Variants in NALF1 observed in about 807,000 individuals in gnomAD.
The protein encoded by NALF1 is NALCN channel auxiliary factor 1, also known as family with sequence similarity 155 member A.
A neutral mutation model predicts 48.4 loss-of-function variants in NALF1; 3 were observed. That is an observed-to-expected ratio of 0.06 (90% CI 0.03 to 0.16). The LOEUF is 0.16. Ranked by LOEUF, NALF1 falls within the 10% of genes least tolerant of loss-of-function variation. The pLI, the probability that NALF1 is intolerant of heterozygous loss-of-function variation, is 1.00. For synonymous variants in NALF1, 262 were observed against 245.7 expected (o/e 1.07, Z -0.62); for missense variants, 526 against 571.5 (o/e 0.92, Z 0.81).
At chr13:107,232,774 C>G (rs1182892722) in intron 1 of NALF1, among the ~76,000 whole-genome samples, 1 of 152,114 alleles carries the variant, frequency 6.6e-6, no homozygotes. Flanking sequence ...ATTAATAAAG[C>G]AAAAGATAAA....
intron 1 of NALF1, among the ~76,000 whole-genome samples, chr13:107,234,580 A>G (rs1196857187): frequency 1.3e-5 from 2 of 152,246 alleles, no homozygotes; most frequent in East Asian, 1.9e-4. Flanking sequence ...GGGTCATGTG[A>G]AAAAGAAACA....
At chr13:107,194,383 T>A (rs1879349572) in intron 2 of NALF1, among the ~76,000 whole-genome samples, 1 of 152,072 alleles carries the variant, frequency 6.6e-6, no homozygotes. Flanking sequence ...GGCATGTAGA[T>A]CAGCAAACAG....
chr13:107,228,744 T>G (rs1364998207), intron 1 of NALF1, among the ~76,000 whole-genome samples: 1 of 152,116 alleles, frequency 6.6e-6, no homozygotes, highest in African/African-American at 2.4e-5. Flanking sequence ...CTCAGCCTCA[T>G]GAGTAGCTGG....
intron 1 of NALF1, among the ~76,000 whole-genome samples, chr13:107,420,924 G>T (rs1018246912): frequency 6.6e-6 from 1 of 151,910 alleles, no homozygotes; most frequent in Non-Finnish European, 1.5e-5. Flanking sequence ...GTATTTCTAG[G>T]CATGCTATCT....
intron 2 of NALF1, among the ~76,000 whole-genome samples, chr13:107,202,672 A>G (rs1421123078): frequency 2.0e-5 from 3 of 152,150 alleles, no homozygotes; most frequent in African/African-American, 7.2e-5. Context: ...TGTAACATTC[A>G]TTTTTAATGT....
intron 1 of NALF1, among the ~76,000 whole-genome samples, chr13:107,731,263 C>A (rs1876300692): frequency 6.6e-6 from 1 of 152,072 alleles, no homozygotes; most frequent in African/African-American, 2.4e-5. Context: ...AAGGAAATTT[C>A]ACTTCAAGTT....
At chr13:107,762,124 G>A (rs1877280811) in intron 1 of NALF1, among the ~76,000 whole-genome samples, 1 of 151,980 alleles carries the variant, frequency 6.6e-6, no homozygotes, top group African/African-American at 2.4e-5. Context: ...AGTTATTCAG[G>A]CAATTAATAC....
rs568079421 is a variant in NALF1 at position 107,494,538 on chromosome 13, G to A, written c.916-283783C>T. ...TTTGTCCCCAGGCCCTGATGTTCAC[G>A]ACCATGATTTGTGGTCCAAACTGAT... is the stretch of plus-strand genomic sequence containing the variant. On this transcript the variant is annotated intron_variant, in intron 1 of 2. Coordinates refer to ENST00000375915, the MANE Select transcript of NALF1 (RefSeq NM_001080396.3). Among the ~76,000 whole-genome samples the A allele has an allele frequency of 8.5e-5, 13 of 152,270 alleles. 1 individual carries two copies. The highest frequency in any genetic ancestry group is 4.1e-4 in the South Asian group (2 of 4,826).
intron 1 of NALF1, among the ~76,000 whole-genome samples, chr13:107,698,590 A>T (rs1881748170): frequency 6.6e-6 from 1 of 152,084 alleles, no homozygotes; most frequent in Admixed American, 6.6e-5. Flanking sequence ...CTCTTTACTG[A>T]TTACTTGTTT....
intron 1 of NALF1, among the ~76,000 whole-genome samples, chr13:107,759,566 A>G (rs915026466): frequency 6.6e-6 from 1 of 151,966 alleles, no homozygotes. Context: ...CCCACATTCC[A>G]CCTAGTCCAA....
chr13:107,295,956 A>G (rs1566477479), intron 1 of NALF1, among the ~76,000 whole-genome samples: 1 of 152,212 alleles, frequency 6.6e-6, no homozygotes, highest in Non-Finnish European at 1.5e-5. Flanking sequence ...GAATTCCTTT[A>G]AAATGCAAGA....
chr13:107,702,320 T>C (rs1881842568), intron 1 of NALF1, among the ~76,000 whole-genome samples: 1 of 152,170 alleles, frequency 6.6e-6, no homozygotes, highest in South Asian at 2.1e-4. Context: ...AAAATAGCAA[T>C]TTCTATTACA....
At chr13:107,581,434 T>C (rs1379682476) in intron 1 of NALF1, among the ~76,000 whole-genome samples, 1 of 152,194 alleles carries the variant, frequency 6.6e-6, no homozygotes, top group African/African-American at 2.4e-5. Context: ...AAGCATAATA[T>C]AGTGTTTATC....
At chr13:107,202,279 C>T (rs961486430) in intron 2 of NALF1, among the ~76,000 whole-genome samples, 5 of 151,230 alleles carry the variant, frequency 3.3e-5, no homozygotes, top group African/African-American at 1.2e-4. Context: ...TTATTACCTA[C>T]ATTATCTGGA....
At chr13:107,616,053 CAATAAAT>C (rs1197653074) in intron 1 of NALF1, among the ~76,000 whole-genome samples, 5 of 152,058 alleles carry the variant, frequency 3.3e-5, no homozygotes, top group African/African-American at 1.2e-4. Flanking sequence ...CAAAAATTTG[CAATAAAT>C]GACACCACCT....
chr13:107,237,672 T>G (rs951015332), intron 1 of NALF1, among the ~76,000 whole-genome samples: 4 of 152,180 alleles, frequency 2.6e-5, no homozygotes, highest in Non-Finnish European at 5.9e-5. Context: ...TCAGCACAAA[T>G]GCAACCATCG....
In NALF1 at chr13:107,236,725, CTATCTAT is replaced by C. The variant is rs1566460165; in HGVS notation, c.916-25977_916-25971del. On this transcript the variant is annotated intron_variant, in intron 1 of 2. Transcript: ENST00000375915. ...TCTATCTATCTATCTATCTATCTAT[CTATCTAT>C]CTATCATCTACAGTCATCCCTCCAT... Among the ~76,000 whole-genome samples, 219 of 144,084 alleles carry C rather than the reference CTATCTAT, an allele frequency of 1.5e-3. 2 individuals are homozygous for C. The highest frequency in any genetic ancestry group is 5.5e-3 in the African/African-American group (210 of 38,114). 94.5% of individuals were successfully genotyped at this position (144,084 alleles called of 152,430 possible).
Position 107,866,080 on chromosome 13 carries a change from G to T in NALF1, c.517C>A (p.Pro173Thr), listed in dbSNP as rs753665547. 6.2e-7 allele frequency: 1 copy of T among 1,613,032 alleles called. No individual in the cohort carries two copies. Among genetic ancestry groups the T allele is most frequent in the South Asian group, 1.1e-5 (1 of 91,080 alleles). ...KPVWRLETCY[P>T]QGASSGQCFT... ...CACTGGCCCGAGGACGCGCCCTGGG[G>T]GTAACAAGTCTCCAGGCGCCACACG... The change falls in exon 1 of 3, where the codon CCC (proline) becomes ACC (threonine). Residue 173 changes from proline to threonine, a missense_variant. Physicochemically the swap from Pro to Thr is conservative, Grantham distance 38 (BLOSUM62 -1). This residue lies in a region of NALF1 where 373 missense variants were observed against 355.5 expected (regional missense o/e 1.05). Transcript: ENST00000375915. This position sits in a 1 kb window ranked among gnomAD's most constrained non-coding sequence, Gnocchi z 4.4.
At chr13:107,229,671 T>G (rs1408183881) in intron 1 of NALF1, among the ~76,000 whole-genome samples, 1 of 152,144 alleles carries the variant, frequency 6.6e-6, no homozygotes, top group Non-Finnish European at 1.5e-5. Context: ...TTATCCCTGG[T>G]GTTAAATCAA....
Sources: gnomAD v4.1 joint callset for allele counts (sites outside exome capture counted in the v4.1 genomes callset) on GRCh38, gnomAD v4.1.1 for gene constraint, gnomAD v4.1.1 regional missense constraint, Gnocchi (gnomAD v3.1) non-coding constraint, MANE v1.5 for transcripts, NCBI Gene and HGNC (gene_info 2026-07-23, HGNC 2026-07-21) for gene names.